The following SAXO1 variants were observed in gnomAD, a reference collection of about 807,000 sequenced individuals.
The protein encoded by SAXO1 is 4930500O09Rik.
A neutral mutation model predicts 17.5 loss-of-function variants in SAXO1; 21 were observed. That is an observed-to-expected ratio of 1.20 (90% confidence interval 0.85 to 1.72). SAXO1 has a LOEUF of 1.72. SAXO1 is among the 40% of genes most tolerant of loss of function. The pLI, the probability that SAXO1 is intolerant of heterozygous loss-of-function variation, is 0.00. For missense variants in SAXO1, 843 were observed against 596.0 expected, an observed-to-expected ratio of 1.41 and a Z score of -4.32; for synonymous variants, 274 against 216.5, an observed-to-expected ratio of 1.27 and a Z score of -2.33.
chr9:18,990,464 G>C (rs963723945), intron 1 of SAXO1, among the ~76,000 whole-genome samples: 5 of 152,130 alleles, frequency 3.3e-5, no homozygotes, highest in Non-Finnish European at 5.9e-5. Context: ...CCAGAACTTT[G>C]GGAGGCCAAG....
At chr9:18,953,481 T>C (rs962460083) in intron 1 of SAXO1, among the ~76,000 whole-genome samples, 5 of 152,254 alleles carry the variant, frequency 3.3e-5, no homozygotes, top group African/African-American at 1.2e-4. Context: ...TGGAATTATA[T>C]CAACATATTT....
chr9:19,010,785 A>C (rs187246611), intron 1 of SAXO1, among the ~76,000 whole-genome samples: 82 of 152,342 alleles, frequency 5.4e-4, no homozygotes, highest in African/African-American at 1.9e-3. Context: ...TGTGATTACC[A>C]GGGGCAGTGA....
intron 1 of SAXO1, among the ~76,000 whole-genome samples, chr9:18,998,149 G>A (rs193261574): frequency 6.6e-6 from 1 of 152,176 alleles, no homozygotes; most frequent in Non-Finnish European, 1.5e-5. Context: ...CAGAAGGTTG[G>A]TAATAACAAA....
chr9:18,985,970 G>A (rs1833577328), intron 1 of SAXO1, among the ~76,000 whole-genome samples: 2 of 152,142 alleles, frequency 1.3e-5, no homozygotes, highest in Admixed American at 6.5e-5. Flanking sequence ...CAAGAAGTAA[G>A]AATTACTCCC....
intron 3 of SAXO1, among the ~76,000 whole-genome samples, chr9:18,940,912 C>T (rs533879350): frequency 1.3e-5 from 2 of 152,130 alleles, no homozygotes; most frequent in African/African-American, 2.4e-5. Context: ...TCAAAACTGG[C>T]GAAACTAATT....
At chr9:18,944,931 G>T (rs1178744976) in intron 2 of SAXO1, among the ~76,000 whole-genome samples, 1 of 152,016 alleles carries the variant, frequency 6.6e-6, no homozygotes, top group Admixed American at 6.6e-5. Context: ...TATTAAAATG[G>T]AATCCATCTT....
intron 1 of SAXO1, among the ~76,000 whole-genome samples, chr9:19,004,415 A>G (rs962868191): frequency 3.9e-5 from 6 of 152,258 alleles, no homozygotes; most frequent in African/African-American, 1.4e-4. Flanking sequence ...ACACATGCAC[A>G]TATATGTTTA....
At chr9:19,015,818 G>T (rs1050354099) in intron 1 of SAXO1, among the ~76,000 whole-genome samples, 2 of 152,110 alleles carry the variant, frequency 1.3e-5, no homozygotes, top group East Asian at 3.9e-4. Flanking sequence ...TTGTGTTTTT[G>T]AGGTTGACAC....
At chr9:18,970,336 T>C (rs1240818112) in intron 1 of SAXO1, among the ~76,000 whole-genome samples, 1 of 152,212 alleles carries the variant, frequency 6.6e-6, no homozygotes, top group Non-Finnish European at 1.5e-5. Context: ...CAAGTCCCTT[T>C]CCTCATCCTG....
At chr9:19,012,912 T>C (rs1222924512) in intron 1 of SAXO1, among the ~76,000 whole-genome samples, 2 of 152,166 alleles carry the variant, frequency 1.3e-5, no homozygotes, top group Non-Finnish European at 2.9e-5. Flanking sequence ...GAAATCAAGA[T>C]TCTGCACCAA....
intron 1 of SAXO1, among the ~76,000 whole-genome samples, chr9:18,984,975 C>T (rs1033283099): frequency 6.6e-6 from 1 of 152,032 alleles, no homozygotes; most frequent in Non-Finnish European, 1.5e-5. Context: ...CACTTAGAAA[C>T]CACTAAGTGC....
At chr9:19,036,589 G>A (rs1012599233), upstream of SAXO1, among the ~76,000 whole-genome samples, 1 of 152,204 alleles carries the variant, frequency 6.6e-6, no homozygotes, top group African/African-American at 2.4e-5. Flanking sequence ...TTCAGAGGAT[G>A]CAAGCCCCAA....
At chr9:18,941,150 T>C (rs915183270) in intron 3 of SAXO1, among the ~76,000 whole-genome samples, 3 of 152,218 alleles carry the variant, frequency 2.0e-5, no homozygotes, top group African/African-American at 7.2e-5. Context: ...TGGTAGAAAC[T>C]AACTTAGCCT....
At chr9:18,955,531 G>A (rs1832223511) in intron 1 of SAXO1, among the ~76,000 whole-genome samples, 1 of 152,124 alleles carries the variant, frequency 6.6e-6, no homozygotes, top group Non-Finnish European at 1.5e-5. Flanking sequence ...AAAAGTGTAG[G>A]AAAGATAAAA....
At chr9:18,948,522 C>T (rs907047895) in intron 2 of SAXO1, among the ~76,000 whole-genome samples, 2 of 152,066 alleles carry the variant, frequency 1.3e-5, no homozygotes, top group South Asian at 2.1e-4. Context: ...ACTCTGACTC[C>T]GGCAGGGGCA....
At chr9:18,955,508 G>A (rs2131740632) in intron 1 of SAXO1, among the ~76,000 whole-genome samples, 1 of 152,226 alleles carries the variant, frequency 6.6e-6, no homozygotes, top group South Asian at 2.1e-4. Flanking sequence ...CTTGGGTACT[G>A]GAAGTTTACT....
chr9:19,001,408 C>T (rs897453923), intron 1 of SAXO1, among the ~76,000 whole-genome samples: 3 of 152,072 alleles, frequency 2.0e-5, no homozygotes, highest in African/African-American at 7.2e-5. Flanking sequence ...TGGCTCACAC[C>T]TGTAATCCCA....
intron 1 of SAXO1, among the ~76,000 whole-genome samples, chr9:19,002,457 G>A (rs928861352): frequency 3.4e-4 from 52 of 152,220 alleles, no homozygotes; most frequent in African/African-American, 1.2e-3. Context: ...AGAATTTTAG[G>A]CCAATATCCC....
intron 3 of SAXO1, among the ~76,000 whole-genome samples, chr9:18,936,286 T>C (rs906646229): frequency 2.0e-4 from 30 of 152,208 alleles, no homozygotes; most frequent in African/African-American, 7.2e-4. Context: ...TTAACGGCTC[T>C]ATCAGCATCT....
Sources: allele counts gnomAD v4.1 joint callset (sites outside exome capture counted in the v4.1 genomes callset), GRCh38; gene constraint gnomAD v4.1.1; transcripts MANE v1.5; gene names NCBI Gene and HGNC (gene_info 2026-07-23, HGNC 2026-07-21).